Variants in MOB3B observed in about 807,000 individuals in gnomAD.
MOB3B encodes MOB kinase activator 3B, also known as MOB kinase activator-like 2B.
In MOB3B, 7 loss-of-function variants were observed where a neutral mutation model predicts 18.7. That is an observed-to-expected ratio of 0.37 (90% CI 0.21 to 0.70). The LOEUF is 0.70. Among genes scored for constraint, MOB3B ranks in the 30% least tolerant of loss-of-function variants. The probability of loss-of-function intolerance (pLI) is 0.52; values close to 1 mark genes in which losing one functional copy is unlikely to be tolerated. For synonymous variants in MOB3B, 111 were observed against 99.9 expected (o/e 1.11, Z -0.66); for missense variants, 253 against 281.3 (o/e 0.90, Z 0.72).
At position 27,524,274 on chromosome 9, in the gene MOB3B, A is replaced by C; in HGVS notation, c.-199+5281T>G. 3.3e-6 allele frequency: 5 copies of C among 1,531,600 alleles called. No individual in the cohort carries two copies. The South Asian group carries it at 6.5e-5, about 20-fold the overall frequency. 94.9% of individuals were successfully genotyped at this position (1,531,600 alleles called of 1,614,324 possible). The stretch of plus-strand genomic sequence containing the variant: ...ATATTCAGGTATATAAAGGCACATG[A>C]AGGAAAACTCAAAACATCATTGTCA... On this transcript the variant is annotated intron_variant, in intron 1 of 3. Transcript: ENST00000262244.
chr9:27,474,273 T>C (rs1191295564), intron 1 of MOB3B, among the ~76,000 whole-genome samples: 1 of 152,180 alleles, frequency 6.6e-6, no homozygotes, highest in Non-Finnish European at 1.5e-5. Context: ...ATGGGTCCTT[T>C]TAAGTAAAGT....
At chr9:27,394,062 A>T (rs569455152) in intron 2 of MOB3B, 1 of 152,276 alleles carries the variant, frequency 6.6e-6, no homozygotes, top group South Asian at 2.1e-4. Context: ...CTCATTAATC[A>T]ATCCCTACAG....
intron 1 of MOB3B, among the ~76,000 whole-genome samples, chr9:27,474,251 T>C (rs1457148846): frequency 6.6e-6 from 1 of 152,228 alleles, no homozygotes; most frequent in Non-Finnish European, 1.5e-5. Flanking sequence ...CAACCATATC[T>C]AGTAAACACA....
At chr9:27,392,855 C>A (rs546709152) in intron 2 of MOB3B, among the ~76,000 whole-genome samples, 1 of 152,208 alleles carries the variant, frequency 6.6e-6, no homozygotes, top group Non-Finnish European at 1.5e-5. Flanking sequence ...TATTAATGAC[C>A]TTACATGGAT....
At chr9:27,413,151 A>T (rs1822098321) in intron 2 of MOB3B, among the ~76,000 whole-genome samples, 1 of 152,208 alleles carries the variant, frequency 6.6e-6, no homozygotes, top group South Asian at 2.1e-4. Flanking sequence ...AAGTTGAGGA[A>T]CTGAGGAGGA....
At chr9:27,527,587 A>G (rs1820455386) in intron 1 of MOB3B, among the ~76,000 whole-genome samples, 1 of 152,218 alleles carries the variant, frequency 6.6e-6, no homozygotes, top group Non-Finnish European at 1.5e-5. Flanking sequence ...GAGTGGGTAC[A>G]TAGATCATAA....
At position 27,377,660 on chromosome 9, in the gene MOB3B, C is replaced by T. The variant is rs1234572665; in HGVS notation, c.419-18424G>A. Among the ~76,000 whole-genome samples the T allele has an allele frequency of 2.0e-5, 3 of 152,228 alleles. No homozygotes were observed. The East Asian group carries it at 5.8e-4, about 29-fold the overall frequency. The stretch of plus-strand genomic sequence containing the variant: ...GGTGAGGTTTATACAAATCTGACCA[C>T]ACTTTTTATGCTAAATTGAAAACAC... On this transcript the variant is annotated intron_variant, in intron 2 of 3. Transcript: ENST00000262244.
intron 2 of MOB3B, among the ~76,000 whole-genome samples, chr9:27,451,236 G>C (rs55985489): frequency 0.011 from 1,632 of 152,212 alleles, 26 homozygotes; most frequent in African/African-American, 0.034. Flanking sequence ...CTATTTTACT[G>C]TCTTGGCTGT....
chr9:27,500,464 C>T (rs966464736), intron 1 of MOB3B, among the ~76,000 whole-genome samples: 5 of 152,164 alleles, frequency 3.3e-5, no homozygotes, highest in Admixed American at 6.5e-5. Context: ...ACCATCTGAT[C>T]TTTGACAAAC....
In MOB3B at chr9:27,325,811, C is replaced by T. The variant is rs981986301; in HGVS notation, c.*4776G>A. The T allele has an allele frequency of 6.6e-6, 1 of 152,066 alleles. No individual in the cohort carries two copies. The highest frequency in any genetic ancestry group is 2.4e-5 in the African/African-American group (1 of 41,394). 9.4% of individuals were successfully genotyped at this position (152,066 alleles called of 1,614,324 possible). On this transcript the variant is annotated 3_prime_UTR_variant, in exon 4 of 4. Transcript: ENST00000262244. ...CACAATCTTTTTGCTTTTGTTTTCT[C>T]CCAGTGTGGTACTCATGGAGTATGG...
At chr9:27,524,703 G>C (rs766296043) in intron 1 of MOB3B, 8 of 1,614,016 alleles carry the variant, frequency 5.0e-6, no homozygotes, top group Non-Finnish European at 3.4e-6. Flanking sequence ...TCAGCAAGCA[G>C]AGTACCTGAA....
chr9:27,330,343 G>C lies in MOB3B; in HGVS notation c.*244C>G. ...CGTGGACAATTCCCCAGCCAGAACG[G>C]TCAAGGGGCTGGTCCTTCTTTCACG... On this transcript the variant is annotated 3_prime_UTR_variant, in exon 4 of 4. Transcript: ENST00000262244. 2.1e-6 allele frequency: 1 copy of C among 470,924 alleles called. No individual in the cohort carries two copies. Among genetic ancestry groups the C allele is most frequent in the Non-Finnish European group, 3.8e-6 (1 of 264,408 alleles). 29.2% of individuals were successfully genotyped at this position (470,924 alleles called of 1,614,324 possible). A position where few individuals can be genotyped will look rare whatever the true frequency, so the allele number is the denominator to read the frequency against.
intron 2 of MOB3B, among the ~76,000 whole-genome samples, chr9:27,433,981 G>C (rs1322614003): frequency 2.0e-5 from 3 of 152,152 alleles, no homozygotes; most frequent in African/African-American, 7.2e-5. Flanking sequence ...AGCAGGAGGT[G>C]GAGCCCAGCA....
At position 27,529,677 on chromosome 9, in the gene MOB3B, G is replaced by T; in HGVS notation, c.-321C>A. ...GCGTCGCTTGCCAATCCACGCAAGG[G>T]ACTCTGCCGCCGGTGCGCGAGGTCC... is the stretch of plus-strand genomic sequence containing the variant. On this transcript the variant is annotated 5_prime_UTR_variant, in exon 1 of 4. Coordinates refer to ENST00000262244, the MANE Select transcript of MOB3B (RefSeq NM_024761.5). 1.0e-6 allele frequency: 1 copy of T among 985,412 alleles called. No homozygotes were observed. Among genetic ancestry groups the T allele is most frequent in the Non-Finnish European group, 1.2e-6 (1 of 829,898 alleles). The allele number at this position is 985,412 out of a possible 1,614,324, so 61.0% of individuals were successfully genotyped here.
chr9:27,354,272 G>C, intron 3 of MOB3B, among the ~76,000 whole-genome samples: 1 of 152,216 alleles, frequency 6.6e-6, no homozygotes, highest in East Asian at 1.9e-4. Flanking sequence ...AACCGTCCTA[G>C]TTTGACAGAC....
At chr9:27,528,487 C>T (rs1231075433) in intron 1 of MOB3B, among the ~76,000 whole-genome samples, 1 of 152,206 alleles carries the variant, frequency 6.6e-6, no homozygotes, top group East Asian at 1.9e-4. Flanking sequence ...GCAGCGGAGG[C>T]GGGGAAGGAA....
chr9:27,360,906 G>T (rs369493924), intron 2 of MOB3B, among the ~76,000 whole-genome samples: 2 of 152,148 alleles, frequency 1.3e-5, no homozygotes, highest in South Asian at 2.1e-4. Flanking sequence ...GGGGTTGAGG[G>T]TGCGGTAGAG....
intron 2 of MOB3B, among the ~76,000 whole-genome samples, chr9:27,437,220 A>G (rs1362282014): frequency 6.6e-6 from 1 of 152,208 alleles, no homozygotes; most frequent in African/African-American, 2.4e-5. Context: ...AATATGATCT[A>G]TGTTTTTTAA....
intron 3 of MOB3B, among the ~76,000 whole-genome samples, chr9:27,339,335 G>A (rs1410228258): frequency 6.6e-6 from 1 of 152,216 alleles, no homozygotes; most frequent in African/African-American, 2.4e-5. Flanking sequence ...AGTAGGGGCT[G>A]ACATCAGCCA....
Sources: gnomAD v4.1 joint callset for allele counts (sites outside exome capture counted in the v4.1 genomes callset) on GRCh38, gnomAD v4.1.1 for gene constraint, MANE v1.5 for transcripts, NCBI Gene and HGNC (gene_info 2026-07-23, HGNC 2026-07-21) for gene names.